The following PAH variants were observed in gnomAD, a reference collection of about 807,000 sequenced individuals.
The protein encoded by PAH is phenylalanine-4-hydroxylase.
In PAH, 64 loss-of-function variants were observed where a neutral mutation model predicts 62.0. The ratio of observed to expected loss-of-function variants is 1.03; its 90% CI spans 0.84 to 1.27. The LOEUF is 1.27. Among genes scored for constraint, PAH ranks in the 50% most tolerant of loss-of-function variants. The pLI is 0.00. For synonymous variants in PAH, 195 were observed against 196.2 expected (o/e 0.99, Z 0.05); for missense variants, 579 against 542.8 (o/e 1.07, Z -0.66).
upstream of PAH, among the ~76,000 whole-genome samples, chr12:102,951,123 G>A (rs1879744439): frequency 6.6e-6 from 1 of 152,148 alleles, no homozygotes; most frequent in Admixed American, 6.5e-5. Context: ...GGGTTAGCGT[G>A]AGCCCTTATC....
At chr12:102,919,887 G>A (rs1878511113), upstream of PAH, among the ~76,000 whole-genome samples, 1 of 152,072 alleles carries the variant, frequency 6.6e-6, no homozygotes, top group Non-Finnish European at 1.5e-5. Context: ...TGGCTATTGT[G>A]AACAGTGCTG....
At chr12:102,868,759 T>C (rs1357765) in intron 4 of PAH, among the ~76,000 whole-genome samples, 58,466 of 151,978 alleles carry the variant, frequency 0.38, 11,922 homozygotes, top group Non-Finnish European at 0.45. Flanking sequence ...ACAAAGAACA[T>C]TTATTTGTCC....
At chr12:102,861,308 G>C (rs895338744) in intron 5 of PAH, among the ~76,000 whole-genome samples, 1 of 152,050 alleles carries the variant, frequency 6.6e-6, no homozygotes, top group Non-Finnish European at 1.5e-5. Flanking sequence ...TTAGAATGGC[G>C]ATCATTAAAA....
chr12:102,854,825 AAAAC>A, intron 6 of PAH: 3 of 424,582 alleles, frequency 7.1e-6, no homozygotes, highest in Middle Eastern at 7.2e-4. Flanking sequence ...AAAACAAAAC[AAAAC>A]AAAAAAAAAC....
At chr12:102,950,172 G>A (rs1051467560) in intron 1 of PAH, 1 of 152,220 alleles carries the variant, frequency 6.6e-6, no homozygotes, top group Non-Finnish European at 1.5e-5. Context: ...AAGAGTCCAT[G>A]AGAGTGAATA....
At chr12:102,940,458 C>T (rs1212475277) in intron 1 of PAH, among the ~76,000 whole-genome samples, 2 of 152,090 alleles carry the variant, frequency 1.3e-5, no homozygotes, top group East Asian at 3.8e-4. Flanking sequence ...AGATGAAAGA[C>T]AAAATTTCCA....
At position 102,894,844 on chromosome 12, in the gene PAH, G is replaced by C. The variant is rs1036966664; in HGVS notation, c.243C>G (p.Thr81=). ...RLKKDEYEFF[T]HLDKRSLPAL... The stretch of plus-strand genomic sequence containing the variant: ...CAGGCAGGCTACGTTTATCCAAATG[G>C]GTGAAAAATTCATACTCATCTTTCT... The change falls in exon 3 of 13, where the codon ACC becomes ACG. Residue 81 remains threonine (T), a synonymous_variant. Transcript: ENST00000553106. 7 of 1,613,470 alleles carry C rather than the reference G, an allele frequency of 4.3e-6. No homozygotes were observed. Among genetic ancestry groups the C allele is most frequent in the Non-Finnish European group, 5.1e-6 (6 of 1,179,676 alleles).
chr12:102,882,392 T>A (rs1876847435), intron 3 of PAH, among the ~76,000 whole-genome samples: 1 of 152,066 alleles, frequency 6.6e-6, no homozygotes, highest in African/African-American at 2.4e-5. Context: ...CCAGGAAAAG[T>A]TATTACATCT....
Position 102,957,437 on chromosome 12 carries a change from A to G in PAH, c.-96+758T>C, listed in dbSNP as rs1242995071. Among the ~76,000 whole-genome samples the G allele has an allele frequency of 6.6e-6, 1 of 151,962 alleles. No homozygotes were observed. Among genetic ancestry groups the G allele is most frequent in the East Asian group, 1.9e-4 (1 of 5,176 alleles). On this transcript the variant is annotated intron_variant, in intron 1 of 4. Coordinates refer to the PAH transcript ENST00000551337. This position sits in a 1 kb window ranked among gnomAD's most constrained non-coding sequence, Gnocchi z 4.1. ...GCACGCGCCAGGCGCACGCACTGCA[A>G]CAACAAACCCAGCTGAATGGAGAGT...
At chr12:102,922,601 T>G (rs1289848327) in intron 1 of PAH, among the ~76,000 whole-genome samples, 1 of 152,236 alleles carries the variant, frequency 6.6e-6, no homozygotes, top group Non-Finnish European at 1.5e-5. Flanking sequence ...TGTATTTTTA[T>G]GTGGATTATC....
At chr12:102,884,771 T>C (rs1345708968) in intron 3 of PAH, among the ~76,000 whole-genome samples, 1 of 152,166 alleles carries the variant, frequency 6.6e-6, no homozygotes, top group Non-Finnish European at 1.5e-5. Context: ...GCTCTTCTGA[T>C]TTTTCCCAGG....
intron 1 of PAH, among the ~76,000 whole-genome samples, chr12:102,940,482 C>T (rs918046029): frequency 6.6e-6 from 1 of 152,118 alleles, no homozygotes; most frequent in Non-Finnish European, 1.5e-5. Flanking sequence ...TAAGAAAGAA[C>T]CAAACTGATC....
At chr12:102,918,831 C>T (rs756827321), upstream of PAH, among the ~76,000 whole-genome samples, 5 of 152,064 alleles carry the variant, frequency 3.3e-5, no homozygotes, top group Admixed American at 2.0e-4. Context: ...TATCTGACTC[C>T]GGCATTTTTC....
intron 1 of PAH, among the ~76,000 whole-genome samples, chr12:102,931,091 T>C (rs1352952574): frequency 6.6e-6 from 1 of 152,112 alleles, no homozygotes; most frequent in Non-Finnish European, 1.5e-5. Context: ...TTAATAAAAA[T>C]ATTATATAAT....
upstream of PAH, among the ~76,000 whole-genome samples, chr12:102,921,575 G>A (rs1042630185): frequency 6.6e-6 from 1 of 152,132 alleles, no homozygotes; most frequent in African/African-American, 2.4e-5. Context: ...GTACTATAGA[G>A]TATTGTTTAA....
At position 102,845,069 on chromosome 12, in the gene PAH, AAGG is replaced by A. The variant is rs1038744659; in HGVS notation, c.970-641_970-639del. Among the ~76,000 whole-genome samples the A allele has an allele frequency of 3.3e-5, 5 of 152,264 alleles. No individual in the cohort carries two copies. In the South Asian group the frequency reaches 6.2e-4, roughly 19 times the overall value. On this transcript the variant is annotated intron_variant, in intron 9 of 12. Coordinates refer to ENST00000553106, the MANE Select transcript of PAH (RefSeq NM_000277.3). ...TCTTTGACTAGTACACACCTCAAAG[AAGG>A]AGAAGGCAGCAACTGCCCCAGTGCC...
chr12:102,855,204 A>G lies in PAH; in HGVS notation c.638T>C (p.Leu213Pro), dbSNP rs62516109. The G allele has an allele frequency of 1.4e-5, 22 of 1,614,192 alleles. No individual in the cohort carries two copies. Among genetic ancestry groups the G allele is most frequent in the Non-Finnish European group, 1.9e-5 (22 of 1,180,020 alleles). The change falls in exon 6 of 13, where the codon CTT (leucine) becomes CCT (proline). Residue 213 changes from leucine (L) to proline (P), a missense_variant. Physicochemically the swap from Leu to Pro is moderately conservative, Grantham distance 98. Transcript: ENST00000553106. ...CYEYNHIFPLLEKYCGFHEDN... is the reference protein window; with the variant it reads ...CYEYNHIFPLPEKYCGFHEDN... ...TTCATGGAAGCCACAGTACTTTTCAAGAAGTGGAAAAATGTGATTGTACTC... is the reference window on the plus strand; with the variant it reads ...TTCATGGAAGCCACAGTACTTTTCAGGAAGTGGAAAAATGTGATTGTACTC...
chr12:102,958,383 G>A (rs1485951792), upstream of PAH: 1 of 1,496,282 alleles, frequency 6.7e-7, no homozygotes, highest in South Asian at 1.3e-5. Context: ...CGCAGCGGCA[G>A]CGCAGAGCGC....
chr12:102,881,214 A>T (rs1876800415), intron 3 of PAH, among the ~76,000 whole-genome samples: 1 of 151,252 alleles, frequency 6.6e-6, no homozygotes, highest in Non-Finnish European at 1.5e-5. Flanking sequence ...GGATTTCGCC[A>T]TGTTGGCCAG....
Sources: allele counts gnomAD v4.1 joint callset (sites outside exome capture counted in the v4.1 genomes callset), GRCh38; gene constraint gnomAD v4.1.1; non-coding constraint Gnocchi (gnomAD v3.1); transcripts MANE v1.5; gene names NCBI Gene and HGNC (gene_info 2026-07-23, HGNC 2026-07-21).